SLC19A1: variants seen among roughly 807,000 people sequenced by gnomAD.
The protein encoded by SLC19A1 is reduced folate transporter.
SLC19A1 carries 37 observed loss-of-function variants against 35.3 expected under a neutral mutation model. That is an observed-to-expected ratio of 1.05 (90% CI 0.81 to 1.38). SLC19A1 has a LOEUF of 1.38. SLC19A1 is among the 40% of genes most tolerant of loss of function. The pLI is 0.00. For synonymous variants in SLC19A1, 460 were observed against 398.5 expected (o/e 1.15, Z -1.84); for missense variants, 831 against 826.9 (o/e 1.00, Z -0.06).
At chr21:45,508,009 A>ATGGG (rs1192463250), downstream of SLC19A1, among the ~76,000 whole-genome samples, 10 of 149,536 alleles carry the variant, frequency 6.7e-5, no homozygotes, top group Middle Eastern at 0.014. Flanking sequence ...GGATGGATGG[A>ATGGG]TGGGTGGATG....
intron 1 of SLC19A1, among the ~76,000 whole-genome samples, chr21:45,555,067 C>G (rs1264770617): frequency 7.3e-5 from 11 of 149,766 alleles, no homozygotes; most frequent in African/African-American, 2.2e-4. Flanking sequence ...CGACGCAACG[C>G]GGGGAGTGGC....
rs554982936 is a variant in SLC19A1 at position 45,533,434 on chromosome 21, T to G, written c.190-1286A>C. Among the ~76,000 whole-genome samples, 604 of 152,176 alleles carry G rather than the reference T, an allele frequency of 4.0e-3. 4 individuals are homozygous for G. Among genetic ancestry groups the G allele is most frequent in the African/African-American group, 0.014 (565 of 41,516 alleles). Reference sequence around the variant, plus strand: ...CACACCTGGGCACACCTGGGCACAGTCCAGAGGAAGAGGCCCCACCCCTGT... The same window carrying G: ...CACACCTGGGCACACCTGGGCACAGGCCAGAGGAAGAGGCCCCACCCCTGT... On this transcript the variant is annotated intron_variant, in intron 2 of 5. Transcript: ENST00000311124. This position sits in a 1 kb window ranked among gnomAD's most constrained non-coding sequence, Gnocchi z 4.5.
At chr21:45,505,486 G>C in intron 3 of SLC19A1, 1 of 907,908 alleles carries the variant, frequency 1.1e-6, no homozygotes, top group Non-Finnish European at 1.8e-6. Flanking sequence ...GGCTGGTTCT[G>C]CAGCCCCTGC....
intron 3 of SLC19A1, chr21:45,505,089 C>T (rs2037111709): frequency 1.3e-6 from 2 of 1,594,646 alleles, no homozygotes; most frequent in Non-Finnish European, 1.7e-6. Flanking sequence ...GCCCCCAGTC[C>T]AGGGCACGAG....
intron 1 of SLC19A1, among the ~76,000 whole-genome samples, chr21:45,538,497 C>T (rs1237854461): frequency 2.0e-5 from 3 of 152,150 alleles, no homozygotes; most frequent in Non-Finnish European, 4.4e-5. Context: ...CAGGAACGGA[C>T]GCTGCTGGAG....
chr21:45,529,526 TGTCTGAGTGTGTCAGTGTGTGTG>T (rs2077772207), intron 4 of SLC19A1, among the ~76,000 whole-genome samples: 1 of 152,186 alleles, frequency 6.6e-6, no homozygotes, highest in South Asian at 2.1e-4. Flanking sequence ...ACAGGGTCAG[TGTCTGAGTGTGTCAGTGTGTGTG>T]GTCTGAGTAT....
rs1241419372 is a variant in SLC19A1, at chr21:45,505,900, G to A, written c.498-7288C>T. 10 of 1,612,726 alleles carry A rather than the reference G, an allele frequency of 6.2e-6. No homozygotes were observed. Among genetic ancestry groups the A allele is most frequent in the Non-Finnish European group, 8.5e-6 (10 of 1,179,974 alleles). On this transcript the variant is annotated intron_variant, in intron 3 of 4. Transcript: ENST00000417954. The stretch of plus-strand genomic sequence containing the variant: ...AGGTGCACGAGGTTCCCGAGGGCTG[G>A]CTCATCTTCGTGGCCGAGCAGGAGG...
chr21:45,503,969 A>C, intron 3 of SLC19A1: 2 of 1,612,176 alleles, frequency 1.2e-6, no homozygotes, highest in Non-Finnish European at 1.7e-6. Context: ...CGGCGCTGTC[A>C]GACACCACCT....
intron 1 of SLC19A1, among the ~76,000 whole-genome samples, chr21:45,558,479 TG>T (rs1203557787): frequency 1.3e-5 from 2 of 152,224 alleles, no homozygotes; most frequent in African/African-American, 4.8e-5. Context: ...CGGCGAGCCT[TG>T]GGGATCTTCC....
intron 1 of SLC19A1, among the ~76,000 whole-genome samples, chr21:45,552,044 G>A (rs2078471154): frequency 6.6e-6 from 1 of 152,170 alleles, no homozygotes; most frequent in African/African-American, 2.4e-5. Context: ...AGAGCATGGG[G>A]TGGAATTTGC....
rs758286743 is a variant in SLC19A1 at position 45,504,614 on chromosome 21, G to A, written c.498-6002C>T. ...TCCCAGGGGTCTGGGTGCAGGAGCC[G>A]AGGGCAGGTCCAGCCCGGCCTTCGA... On this transcript the variant is annotated intron_variant, in intron 3 of 4. Coordinates refer to the SLC19A1 transcript ENST00000417954. 140 of 1,491,942 alleles carry A rather than the reference G, an allele frequency of 9.4e-5. 1 individual carries two copies. Among genetic ancestry groups the A allele is most frequent in the South Asian group, 2.8e-4 (23 of 83,148 alleles). 92.4% of individuals were successfully genotyped at this position (1,491,942 alleles called of 1,614,324 possible).
At chr21:45,509,479 C>A (rs764732885), downstream of SLC19A1, 37 of 1,527,960 alleles carry the variant, frequency 2.4e-5, no homozygotes, top group Non-Finnish European at 3.2e-5. Flanking sequence ...CCTGGCCAGC[C>A]CCCCTCGCCT....
At chr21:45,526,055 G>T (rs2039276) in intron 4 of SLC19A1, 97 bp from the exon 5 acceptor site, 21,877 of 1,365,012 alleles carry the variant, frequency 0.016, 223 homozygotes, top group Non-Finnish European at 0.019. Flanking sequence ...CCCATGACCC[G>T]CCCGGCAGCC....
rs1444828562 is a variant in SLC19A1, at chr21:45,533,562, C to A, written c.190-1414G>T. ...CCAGGTGCATTTTCAGCAGGTGGCC[C>A]CGCCCACAGGCCCCACCAGACCCCA... On this transcript the variant is annotated intron_variant, in intron 2 of 5. Transcript: ENST00000311124. This position sits in a 1 kb window ranked among gnomAD's most constrained non-coding sequence, Gnocchi z 4.5. Among the ~76,000 whole-genome samples, 2 of 151,948 alleles carry A rather than the reference C, an allele frequency of 1.3e-5. No homozygotes were observed. The highest frequency in any genetic ancestry group is 3.9e-4 in the East Asian group (2 of 5,160).
chr21:45,542,987 G>T (rs1046085754), upstream of SLC19A1, among the ~76,000 whole-genome samples: 4 of 151,662 alleles, frequency 2.6e-5, no homozygotes, highest in African/African-American at 9.7e-5. Flanking sequence ...CTTGGGGACC[G>T]CACGGCCCCG....
intron 3 of SLC19A1, chr21:45,506,317 C>A: frequency 2.7e-6 from 1 of 367,734 alleles, no homozygotes; most frequent in Non-Finnish European, 5.3e-6. Flanking sequence ...TCAGGCCCTC[C>A]AGGGCCACGT....
intron 1 of SLC19A1, among the ~76,000 whole-genome samples, chr21:45,556,027 A>AAGGTCGG (rs1289547236): frequency 6.6e-6 from 1 of 152,162 alleles, no homozygotes; most frequent in African/African-American, 2.4e-5. Flanking sequence ...TAATCCTCTG[A>AAGGTCGG]AGGTCGGAGG....
intron 1 of SLC19A1, among the ~76,000 whole-genome samples, chr21:45,551,244 A>G (rs1247465558): frequency 6.6e-6 from 1 of 151,954 alleles, no homozygotes. Context: ...GCGAGACTCC[A>G]TCTCAAAGGA....
chr21:45,503,989 C>A (rs1375642674), intron 3 of SLC19A1: 1 of 1,613,368 alleles, frequency 6.2e-7, no homozygotes, highest in Non-Finnish European at 8.5e-7. Flanking sequence ...TCAGCGAGAC[C>A]CCGCCTGTCT....
Sources: gnomAD v4.1 joint callset for allele counts (sites outside exome capture counted in the v4.1 genomes callset) on GRCh38, gnomAD v4.1.1 for gene constraint, Gnocchi (gnomAD v3.1) non-coding constraint, MANE v1.5 for transcripts, NCBI Gene and HGNC (gene_info 2026-07-23, HGNC 2026-07-21) for gene names.